TXNL4A: variants seen among roughly 807,000 people sequenced by gnomAD.
TXNL4A encodes the protein thioredoxin-like protein 4A.
A neutral mutation model predicts 14.6 loss-of-function variants in TXNL4A; 17 were observed. That is an observed-to-expected ratio of 1.16 (90% CI 0.80 to 1.74). TXNL4A has a LOEUF of 1.74. TXNL4A is among the 40% of genes most tolerant of loss of function. The pLI is 0.00. For synonymous variants in TXNL4A, 83 were observed against 70.6 expected, an observed-to-expected ratio of 1.18 and a Z score of -0.88; for missense variants, 74 against 195.2, an observed-to-expected ratio of 0.38 and a Z score of 3.70.
intron 1 of TXNL4A, among the ~76,000 whole-genome samples, chr18:79,984,412 G>A (rs1406262528): frequency 1.3e-5 from 2 of 152,122 alleles, no homozygotes; most frequent in Non-Finnish European, 2.9e-5. Flanking sequence ...GGCCAATATG[G>A]CAAAACCACA....
intron 1 of TXNL4A, among the ~76,000 whole-genome samples, chr18:79,998,779 T>C (rs974130551): frequency 2.0e-5 from 3 of 150,960 alleles, no homozygotes; most frequent in Admixed American, 6.6e-5. Context: ...ATTTTGCTTG[T>C]ACCATCTTCC....
intron 1 of TXNL4A, among the ~76,000 whole-genome samples, chr18:80,013,573 T>G (rs1240568583): frequency 6.6e-6 from 1 of 152,204 alleles, no homozygotes; most frequent in Non-Finnish European, 1.5e-5. Context: ...TAGCTGGGAT[T>G]ACTGGCATGC....
Position 80,008,990 on chromosome 18 carries a change from C to G in TXNL4A, c.-61+24861G>C, listed in dbSNP as rs543097034. ...ACAAGGTGTCACCATATTGGCCAGG[C>G]TGGTCTCCAGCTCCTAGACCTCGTG... is the stretch of plus-strand genomic sequence containing the variant. On this transcript the variant is annotated intron_variant, in intron 1 of 2. Transcript: ENST00000585474. 2.0e-5 allele frequency among the ~76,000 whole-genome samples: 3 copies of G among 152,172 alleles called. No homozygotes were observed. In the South Asian group the frequency reaches 6.2e-4, roughly 32 times the overall value.
chr18:79,981,120 C>T (rs1270087671), intron 1 of TXNL4A, among the ~76,000 whole-genome samples: 1 of 152,170 alleles, frequency 6.6e-6, no homozygotes, highest in Admixed American at 6.5e-5. Context: ...TTAGGAAAGT[C>T]AAAATAATAT....
chr18:79,990,156 T>C (rs2051616579), upstream of TXNL4A, among the ~76,000 whole-genome samples: 1 of 152,212 alleles, frequency 6.6e-6, no homozygotes, highest in Non-Finnish European at 1.5e-5. Context: ...TTTGATAATA[T>C]GCACCCACAA....
At chr18:79,986,892 G>A in intron 1 of TXNL4A, 1 of 481,898 alleles carries the variant, frequency 2.1e-6, no homozygotes, top group Non-Finnish European at 2.7e-6. Context: ...CTCAAGCAAT[G>A]ACAAACTGAT....
rs1197931699 is a variant in TXNL4A at position 79,982,171 on chromosome 18, A to C, written c.154-4470T>G. Among the ~76,000 whole-genome samples the C allele has an allele frequency of 6.6e-6, 1 of 152,120 alleles. No homozygotes were observed. The highest frequency in any genetic ancestry group is 1.5e-5 in the Non-Finnish European group (1 of 68,024). Reference sequence around the variant, plus strand: ...GAATTCCATGTGTAAAGAGAAAGACACAAGACCAGCAGCCAGGTCTCAGAT... The same window carrying C: ...GAATTCCATGTGTAAAGAGAAAGACCCAAGACCAGCAGCCAGGTCTCAGAT... On this transcript the variant is annotated intron_variant, in intron 1 of 2. Transcript: ENST00000269601. The surrounding 1 kb of genome is among the most constrained non-coding windows in gnomAD (Gnocchi z 4.0).
At chr18:79,980,053 C>G (rs926300240) in intron 1 of TXNL4A, among the ~76,000 whole-genome samples, 1 of 152,198 alleles carries the variant, frequency 6.6e-6, no homozygotes, top group African/African-American at 2.4e-5. Context: ...AGGTGGGCCC[C>G]TAATCTGGTG....
chr18:79,975,921 G>A (rs1019944965), intron 2 of TXNL4A, among the ~76,000 whole-genome samples: 5 of 152,198 alleles, frequency 3.3e-5, no homozygotes, highest in African/African-American at 1.2e-4. Context: ...GATGGCCAAA[G>A]GGGCTGAAAT....
At chr18:80,021,993 C>T (rs199772366) in intron 1 of TXNL4A, among the ~76,000 whole-genome samples, 4 of 150,308 alleles carry the variant, frequency 2.7e-5, no homozygotes, top group Non-Finnish European at 4.4e-5. Flanking sequence ...GCTAGAATAC[C>T]TTTTTTTTTT....
intron 1 of TXNL4A, among the ~76,000 whole-genome samples, chr18:80,022,097 G>A (rs965591405): frequency 2.0e-4 from 31 of 152,084 alleles, no homozygotes; most frequent in Admixed American, 5.9e-4. Flanking sequence ...ATTTATTAGG[G>A]TTATTAGAGA....
intron 1 of TXNL4A, among the ~76,000 whole-genome samples, chr18:79,994,032 G>A (rs538629171): frequency 2.5e-4 from 38 of 152,288 alleles, no homozygotes; most frequent in South Asian, 6.2e-4. Context: ...GGTTGAATCC[G>A]AAGGGGAACT....
chr18:80,033,556 G>A (rs1377145934), intron 1 of TXNL4A, among the ~76,000 whole-genome samples: 1 of 152,270 alleles, frequency 6.6e-6, no homozygotes, highest in Non-Finnish European at 1.5e-5. Context: ...CCCAGTGGCG[G>A]AAACAGACGG....
chr18:80,008,566 C>T (rs2051747967), intron 1 of TXNL4A, among the ~76,000 whole-genome samples: 1 of 151,948 alleles, frequency 6.6e-6, no homozygotes, highest in Non-Finnish European at 1.5e-5. Flanking sequence ...TCATGACATT[C>T]CCTTCCTCTC....
intron 1 of TXNL4A, 161 bp from the exon 2 acceptor site, chr18:79,977,862 A>G (rs2051402950): frequency 4.9e-6 from 3 of 607,104 alleles, no homozygotes; most frequent in Non-Finnish European, 8.7e-6. Flanking sequence ...CTAGAGTGCA[A>G]TGGTGCAATC....
At chr18:79,994,379 G>A (rs570081414) in intron 1 of TXNL4A, among the ~76,000 whole-genome samples, 7 of 151,874 alleles carry the variant, frequency 4.6e-5, no homozygotes, top group African/African-American at 1.7e-4. Context: ...ACAGGAAGCC[G>A]ACAACTTAGA....
chr18:79,996,552 G>A (rs551273935), intron 1 of TXNL4A, among the ~76,000 whole-genome samples: 1 of 152,306 alleles, frequency 6.6e-6, no homozygotes, highest in East Asian at 1.9e-4. Context: ...CTTTTGGGCT[G>A]TGATCTCGTC....
chr18:79,980,884 T>C (rs1004516233), intron 1 of TXNL4A, among the ~76,000 whole-genome samples: 3 of 152,202 alleles, frequency 2.0e-5, no homozygotes, highest in South Asian at 4.1e-4. Context: ...AAAGTGATGT[T>C]TGCATTAGAC....
chr18:80,031,856 C>G (rs371862440), intron 1 of TXNL4A, among the ~76,000 whole-genome samples: 212 of 152,334 alleles, frequency 1.4e-3, no homozygotes, highest in African/African-American at 4.9e-3. Flanking sequence ...AAAACCCTCA[C>G]TGATTGGTTG....
Sources: gnomAD v4.1 joint callset for allele counts (sites outside exome capture counted in the v4.1 genomes callset) on GRCh38, gnomAD v4.1.1 for gene constraint, Gnocchi (gnomAD v3.1) non-coding constraint, MANE v1.5 for transcripts, NCBI Gene and HGNC (gene_info 2026-07-23, HGNC 2026-07-21) for gene names.